Variants in UBE2G1 observed in about 807,000 individuals in gnomAD.
UBE2G1 encodes the protein ubiquitin conjugating enzyme E2 G1.
UBE2G1 carries 5 observed loss-of-function variants against 22.7 expected under a neutral mutation model. That is an observed-to-expected ratio of 0.22 (90% confidence interval 0.12 to 0.46). UBE2G1 has a LOEUF of 0.46. UBE2G1 is among the 20% of genes least tolerant of loss of function. The pLI is 0.99. For synonymous variants in UBE2G1, 74 were observed against 67.5 expected (o/e 1.10, Z -0.47); for missense variants, 88 against 203.9 (o/e 0.43, Z 3.46).
intron 1 of UBE2G1, among the ~76,000 whole-genome samples, chr17:4,327,811 C>T (rs1002575973): frequency 1.3e-5 from 2 of 152,150 alleles, no homozygotes; most frequent in African/African-American, 2.4e-5. Flanking sequence ...CCAAAGACAG[C>T]ACCATTAATA....
At chr17:4,341,846 G>C (rs150902801) in intron 1 of UBE2G1, among the ~76,000 whole-genome samples, 7 of 152,198 alleles carry the variant, frequency 4.6e-5, no homozygotes, top group Non-Finnish European at 1.0e-4. Flanking sequence ...CTCTTCCCTT[G>C]AAGCTTTCTT....
At chr17:4,301,836 T>C in intron 2 of UBE2G1, 1 of 520,880 alleles carries the variant, frequency 1.9e-6, no homozygotes. Context: ...ATGGCTAGAA[T>C]TGGAAGTACG....
chr17:4,302,765 T>TA (rs1419432726), intron 2 of UBE2G1: 1 of 186,900 alleles, frequency 5.4e-6, no homozygotes, highest in Non-Finnish European at 1.1e-5. Flanking sequence ...TCTCCATTTT[T>TA]AAAAATTTAG....
At position 4,302,185 on chromosome 17, in the gene UBE2G1, T is replaced by G. The variant is rs116556366; in HGVS notation, c.149+4836A>C. 1,223 of 512,416 alleles carry G rather than the reference T, an allele frequency of 2.4e-3. 10 individuals carry two copies. Among genetic ancestry groups the G allele is most frequent in the African/African-American group, 0.022 (1,120 of 51,382 alleles). The allele number at this position is 512,416 out of a possible 1,614,324, so 31.7% of individuals were successfully genotyped here. ...GGGAAAGTTTTCTTTACAGACAAAT[T>G]TGGATTTTCTTTCCAGGCAGCAAGT... is the stretch of plus-strand genomic sequence containing the variant. On this transcript the variant is annotated intron_variant, in intron 2 of 5. Transcript: ENST00000396981.
chr17:4,340,849 C>G (rs575627540), intron 1 of UBE2G1, among the ~76,000 whole-genome samples: 14 of 148,894 alleles, frequency 9.4e-5, no homozygotes, highest in Non-Finnish European at 2.1e-4. Context: ...CTCAAGTGAC[C>G]CTCCCATTTC....
intron 1 of UBE2G1, among the ~76,000 whole-genome samples, chr17:4,320,124 TGTC>T (rs917392218): frequency 6.6e-6 from 1 of 152,174 alleles, no homozygotes; most frequent in Admixed American, 6.5e-5. Flanking sequence ...TTTTCTGTAT[TGTC>T]GTAATTTTAC....
chr17:4,293,359 T>C (rs1969067074), intron 3 of UBE2G1, among the ~76,000 whole-genome samples: 1 of 152,236 alleles, frequency 6.6e-6, no homozygotes, highest in Admixed American at 6.5e-5. Context: ...ATGTAATTCA[T>C]TTCTTTTTAT....
chr17:4,354,563 G>A (rs1309139709), intron 1 of UBE2G1, among the ~76,000 whole-genome samples: 4 of 152,104 alleles, frequency 2.6e-5, no homozygotes, highest in South Asian at 4.1e-4. Flanking sequence ...GAAAGGGCTC[G>A]AGTTTTATCA....
intron 1 of UBE2G1, among the ~76,000 whole-genome samples, chr17:4,342,698 T>C (rs1376467610): frequency 5.3e-5 from 8 of 152,248 alleles, no homozygotes; most frequent in African/African-American, 1.7e-4. Context: ...GCTAGCATCA[T>C]GTCTCATCTG....
At chr17:4,315,499 C>T (rs752884692) in intron 1 of UBE2G1, among the ~76,000 whole-genome samples, 2 of 151,750 alleles carry the variant, frequency 1.3e-5, no homozygotes, top group Admixed American at 1.3e-4. Flanking sequence ...CCAGCACTTT[C>T]GGAGGCTGAG....
At chr17:4,277,200 G>A (rs1398831730) in intron 5 of UBE2G1, among the ~76,000 whole-genome samples, 1 of 152,196 alleles carries the variant, frequency 6.6e-6, no homozygotes, top group African/African-American at 2.4e-5. Flanking sequence ...AGGCAGTGAG[G>A]AGGAACTCAG....
rs1567994585 is a variant in UBE2G1 at position 4,272,169 on chromosome 17, C to G, written c.*385G>C. On this transcript the variant is annotated 3_prime_UTR_variant, in exon 6 of 6. Transcript: ENST00000396981. ...AAGAAACAATGAATAGGAAAGAAAA[C>G]CTGCTAAAATCTCTTAGAATTTACA... 6.6e-6 allele frequency: 1 copy of G among 152,520 alleles called. No homozygotes were observed. The highest frequency in any genetic ancestry group is 1.5e-5 in the Non-Finnish European group (1 of 68,022). The allele number at this position is 152,520 out of a possible 1,614,324, so 9.4% of individuals were successfully genotyped here.
In UBE2G1 at chr17:4,303,388, AAAT is replaced by A. The variant is rs919201585; in HGVS notation, c.149+3630_149+3632del. ...AATAATAAAACTGCAAAAGGGGAAAAAATAATTTTTTTTTTGCTATTATAAGCA... is the reference window on the plus strand; with the variant it reads ...AATAATAAAACTGCAAAAGGGGAAAAAATTTTTTTTTTGCTATTATAAGCA... On this transcript the variant is annotated intron_variant, in intron 2 of 5. Transcript: ENST00000396981. 7.4e-4 allele frequency among the ~76,000 whole-genome samples: 113 copies of A among 152,350 alleles called. 1 individual carries two copies. The highest frequency in any genetic ancestry group is 1.2e-3 in the Non-Finnish European group (83 of 68,038).
intron 1 of UBE2G1, among the ~76,000 whole-genome samples, chr17:4,343,126 C>T (rs1969729817): frequency 6.6e-6 from 1 of 152,180 alleles, no homozygotes; most frequent in Non-Finnish European, 1.5e-5. Flanking sequence ...ACTTTCATGT[C>T]CTGTTCTTTA....
intron 1 of UBE2G1, among the ~76,000 whole-genome samples, chr17:4,328,207 T>TC (rs1439211557): frequency 1.3e-5 from 2 of 152,254 alleles, no homozygotes; most frequent in African/African-American, 4.8e-5. Context: ...AATCTGGTTC[T>TC]CCCAGCTGAG....
Position 4,296,855 on chromosome 17 carries a change from C to A in UBE2G1, c.150-41G>T. On this transcript the variant is annotated intron_variant, in intron 2 of 5. Transcript: ENST00000396981. The stretch of plus-strand genomic sequence containing the variant: ...AAAAGAAGTTCTTGCCTATAAGTTC[C>A]TGCTTTTAAGTATAGAAGTGTTAAA... 1.3e-6 allele frequency: 2 copies of A among 1,565,208 alleles called. 1 individual carries two copies. Among genetic ancestry groups the A allele is most frequent in the Non-Finnish European group, 1.8e-6 (2 of 1,139,876 alleles).
At position 4,301,140 on chromosome 17, in the gene UBE2G1, T is replaced by C. The variant is rs1969173330; in HGVS notation, c.150-4326A>G. Among the ~76,000 whole-genome samples the C allele has an allele frequency of 2.0e-5, 3 of 152,214 alleles. No individual in the cohort carries two copies. The South Asian group carries it at 6.2e-4, about 32-fold the overall frequency. ...ATGTGCTGTATGCTGCCGTCTGCAA[T>C]TTGCTCAACATTGTTCTATTAATCT... On this transcript the variant is annotated intron_variant, in intron 2 of 5. Transcript: ENST00000396981.
chr17:4,293,047 C>T (rs1296413107), intron 3 of UBE2G1, among the ~76,000 whole-genome samples: 4 of 152,162 alleles, frequency 2.6e-5, no homozygotes, highest in Admixed American at 6.5e-5. Context: ...AGTATGTCTA[C>T]AGAGTTGTAC....
At chr17:4,331,636 G>T (rs1969579468) in intron 1 of UBE2G1, 1 of 152,040 alleles carries the variant, frequency 6.6e-6, no homozygotes, top group South Asian at 2.1e-4. Flanking sequence ...TTTTTCTAAA[G>T]AAATTAAAAA....
Sources: allele counts gnomAD v4.1 joint callset (sites outside exome capture counted in the v4.1 genomes callset), GRCh38; gene constraint gnomAD v4.1.1; transcripts MANE v1.5; gene names NCBI Gene and HGNC (gene_info 2026-07-23, HGNC 2026-07-21).